SLC25A17: variants seen among roughly 807,000 people sequenced by gnomAD.
SLC25A17 encodes the protein peroxisomal membrane protein PMP34.
In SLC25A17, 26 loss-of-function variants were observed where a neutral mutation model predicts 38.5. That is an observed-to-expected ratio of 0.68 (90% CI 0.50 to 0.94). The LOEUF (loss-of-function observed/expected upper bound fraction) is 0.94. Ranked by LOEUF, SLC25A17 falls within the 40% of genes least tolerant of loss-of-function variation. The pLI is 0.00. For synonymous variants in SLC25A17, 139 were observed against 136.2 expected, an observed-to-expected ratio of 1.02 and a Z score of -0.14; for missense variants, 333 against 372.7, an observed-to-expected ratio of 0.89 and a Z score of 0.88.
rs1422952429 is a variant in SLC25A17, at chr22:40,771,915, CATG to C, written c.777-937_777-935del. Among the ~76,000 whole-genome samples, 4 of 151,884 alleles carry C rather than the reference CATG, an allele frequency of 2.6e-5. No individual in the cohort carries two copies. In the East Asian group the frequency reaches 7.7e-4, roughly 29 times the overall value. ...TTGAGAGGATAGATACCCCATTTTC[CATG>C]ATGTGATTATTATGCTTTGCATGCC... is the stretch of plus-strand genomic sequence containing the variant. On this transcript the variant is annotated intron_variant, in intron 8 of 8. Coordinates refer to ENST00000435456, the MANE Select transcript of SLC25A17 (RefSeq NM_006358.4).
chr22:40,772,695 G>A (rs901351700), intron 8 of SLC25A17, among the ~76,000 whole-genome samples: 4 of 151,676 alleles, frequency 2.6e-5, no homozygotes, highest in African/African-American at 9.7e-5. Flanking sequence ...GGAGTACAGT[G>A]GTGCCATCAT....
intron 4 of SLC25A17, among the ~76,000 whole-genome samples, chr22:40,786,698 CCA>C (rs1432998032): frequency 6.6e-6 from 1 of 152,192 alleles, no homozygotes; most frequent in African/African-American, 2.4e-5. Context: ...TTGGCCGAAT[CCA>C]CAGATGTGGA....
At chr22:40,802,338 A>T (rs1225678966) in intron 1 of SLC25A17, among the ~76,000 whole-genome samples, 1 of 152,120 alleles carries the variant, frequency 6.6e-6, no homozygotes, top group Non-Finnish European at 1.5e-5. Context: ...CTACCTCAAG[A>T]ACTGGCATAT....
At position 40,770,738 on chromosome 22, in the gene SLC25A17, G is replaced by T; in HGVS notation, c.*96C>A. ...TCAAGCCAATGAGGGTAACATTTGT[G>T]GTGGCAGGAGCCAGAGTCAAGGGAG... is the stretch of plus-strand genomic sequence containing the variant. On this transcript the variant is annotated 3_prime_UTR_variant, in exon 9 of 9. Transcript: ENST00000435456. 1 of 1,316,404 alleles carries T rather than the reference G, an allele frequency of 7.6e-7. No individual in the cohort carries two copies. Among genetic ancestry groups the T allele is most frequent in the Non-Finnish European group, 1.0e-6 (1 of 969,692 alleles). The allele number at this position is 1,316,404 out of a possible 1,614,324, so 81.5% of individuals were successfully genotyped here.
intron 1 of SLC25A17, among the ~76,000 whole-genome samples, chr22:40,803,412 T>G (rs965098594): frequency 3.3e-5 from 5 of 152,254 alleles, no homozygotes; most frequent in Non-Finnish European, 5.9e-5. Flanking sequence ...GTGATGTTTG[T>G]TCTGTGCCTG....
chr22:40,776,933 G>A lies in SLC25A17; in HGVS notation c.693+107C>T, dbSNP rs1044190596. 2.0e-5 allele frequency: 18 copies of A among 904,258 alleles called. No homozygotes were observed. The African/African-American group carries it at 3.0e-4, about 15-fold the overall frequency. 56.0% of individuals were successfully genotyped at this position (904,258 alleles called of 1,614,324 possible). A position where few individuals can be genotyped will look rare whatever the true frequency, so the allele number is the denominator to read the frequency against. ...AAAAAAACAGATAGGGAATATTCTG[G>A]TATACCAACTAACTGCTTTATTGCT... On this transcript the variant is annotated intron_variant, in intron 7 of 8. Transcript: ENST00000435456.
At chr22:40,796,290 A>T (rs1453005239) in intron 2 of SLC25A17, among the ~76,000 whole-genome samples, 1 of 152,192 alleles carries the variant, frequency 6.6e-6, no homozygotes, top group Non-Finnish European at 1.5e-5. Flanking sequence ...TTTCCTAAGA[A>T]TTAAAATTGG....
chr22:40,797,357 A>G (rs1369561778), intron 2 of SLC25A17: 1 of 1,279,668 alleles, frequency 7.8e-7, no homozygotes, highest in Non-Finnish European at 1.0e-6. Flanking sequence ...AACAAGCAAG[A>G]ATCACAGTGA....
intron 1 of SLC25A17, chr22:40,799,771 C>A (rs764860862): frequency 1.3e-5 from 2 of 152,140 alleles, no homozygotes; most frequent in Non-Finnish European, 2.9e-5. Flanking sequence ...TAGCAATGTT[C>A]AAGCTTCTAC....
chr22:40,802,038 C>T (rs185796972), intron 1 of SLC25A17, among the ~76,000 whole-genome samples: 348 of 152,082 alleles, frequency 2.3e-3, no homozygotes, highest in Non-Finnish European at 3.7e-3. Flanking sequence ...GTGATCCACC[C>T]GCCTCGGCCT....
intron 1 of SLC25A17, among the ~76,000 whole-genome samples, chr22:40,814,211 C>T (rs1214070190): frequency 1.3e-5 from 2 of 152,174 alleles, no homozygotes; most frequent in African/African-American, 2.4e-5. Context: ...AAGAACAGGA[C>T]TTAAAAAACT....
At chr22:40,773,214 C>T (rs1384895402) in intron 8 of SLC25A17, among the ~76,000 whole-genome samples, 1 of 151,970 alleles carries the variant, frequency 6.6e-6, no homozygotes, top group Non-Finnish European at 1.5e-5. Flanking sequence ...TCAAGACCAT[C>T]CTGGCAAACA....
chr22:40,797,369 T>C, intron 2 of SLC25A17: 1 of 1,219,184 alleles, frequency 8.2e-7, no homozygotes, highest in Non-Finnish European at 1.1e-6. Flanking sequence ...TCACAGTGAG[T>C]TGTAGAGTCC....
At chr22:40,818,272 G>A (rs2057661401) in intron 1 of SLC25A17, among the ~76,000 whole-genome samples, 1 of 152,278 alleles carries the variant, frequency 6.6e-6, no homozygotes, top group East Asian at 1.9e-4. Flanking sequence ...CACAAGAGGA[G>A]TCACCCAAGC....
intron 1 of SLC25A17, among the ~76,000 whole-genome samples, chr22:40,802,723 G>A (rs2056432832): frequency 6.6e-6 from 1 of 152,186 alleles, no homozygotes; most frequent in Non-Finnish European, 1.5e-5. Flanking sequence ...ACTGGATCAA[G>A]AGGGTTAGCT....
chr22:40,802,645 C>CAA, intron 1 of SLC25A17, among the ~76,000 whole-genome samples: 1 of 149,858 alleles, frequency 6.7e-6, no homozygotes, highest in Non-Finnish European at 1.5e-5. Context: ...AACTCCTTCT[C>CAA]AAAAAAAAAG....
intron 7 of SLC25A17, among the ~76,000 whole-genome samples, chr22:40,775,189 T>C (rs1253178822): frequency 1.3e-5 from 2 of 152,172 alleles, no homozygotes; most frequent in Non-Finnish European, 2.9e-5. Flanking sequence ...CACCTACAGT[T>C]TCCCTGCTGC....
chr22:40,769,882 G>A lies in SLC25A17; in HGVS notation c.*952C>T, dbSNP rs756939407. On this transcript the variant is annotated 3_prime_UTR_variant, in exon 9 of 9. Coordinates refer to ENST00000435456, the MANE Select transcript of SLC25A17 (RefSeq NM_006358.4). ...TCTGATGGACCACACTGAGCAACAG[G>A]ACTCTAAGGAAGGTTTCCAAATGAA... 1 of 152,162 alleles carries A rather than the reference G, an allele frequency of 6.6e-6. No homozygotes were observed. The highest frequency in any genetic ancestry group is 1.5e-5 in the Non-Finnish European group (1 of 68,036). 9.4% of individuals were successfully genotyped at this position (152,162 alleles called of 1,614,324 possible). A position where few individuals can be genotyped will look rare whatever the true frequency, so the allele number is the denominator to read the frequency against.
At chr22:40,788,997 C>T (rs1467533246) in intron 4 of SLC25A17, 1 of 325,380 alleles carries the variant, frequency 3.1e-6, no homozygotes, top group East Asian at 8.9e-5. Flanking sequence ...TGAAGGTATG[C>T]ATGGTATGTG....
Sources: allele counts gnomAD v4.1 joint callset (sites outside exome capture counted in the v4.1 genomes callset), GRCh38; gene constraint gnomAD v4.1.1; transcripts MANE v1.5; gene names NCBI Gene and HGNC (gene_info 2026-07-23, HGNC 2026-07-21).